Variants in LSAMP observed in about 807,000 individuals in gnomAD.
LSAMP encodes the protein limbic system associated membrane protein.
In LSAMP, 7 loss-of-function variants were observed where a neutral mutation model predicts 38.6. The ratio of observed to expected loss-of-function variants is 0.18; its 90% CI spans 0.10 to 0.34. The LOEUF is 0.34. LSAMP is among the 10% of genes least tolerant of loss of function. The pLI, the probability that LSAMP is intolerant of heterozygous loss-of-function variation, is 1.00. For missense variants in LSAMP, 313 were observed against 420.0 expected (o/e 0.75, Z 2.23); for synonymous variants, 154 against 166.8 (o/e 0.92, Z 0.59).
At chr3:116,140,893 G>C (rs1470584137) in intron 1 of LSAMP, among the ~76,000 whole-genome samples, 1 of 151,930 alleles carries the variant, frequency 6.6e-6, no homozygotes, top group East Asian at 1.9e-4. Flanking sequence ...AAGAAGAATA[G>C]GAAGAAAAGA....
chr3:116,025,936 TA>T (rs549706591), intron 2 of LSAMP, among the ~76,000 whole-genome samples: 53 of 152,296 alleles, frequency 3.5e-4, no homozygotes, highest in Admixed American at 2.1e-3. Context: ...AATTCTGCAT[TA>T]AAAAATACAC....
chr3:116,415,194 T>C (rs1270470413), intron 1 of LSAMP, among the ~76,000 whole-genome samples: 1 of 147,646 alleles, frequency 6.8e-6, no homozygotes, highest in Non-Finnish European at 1.5e-5. Context: ...CCTATCTTAG[T>C]CCAAATTTGT....
At chr3:116,349,535 A>ACT (rs2048110480) in intron 1 of LSAMP, among the ~76,000 whole-genome samples, 1 of 151,136 alleles carries the variant, frequency 6.6e-6, no homozygotes, top group Non-Finnish European at 1.5e-5. Flanking sequence ...ACACACACAC[A>ACT]CTCACATATT....
At chr3:115,949,040 G>T (rs1269591461) in intron 3 of LSAMP, among the ~76,000 whole-genome samples, 1 of 152,124 alleles carries the variant, frequency 6.6e-6, no homozygotes, top group Non-Finnish European at 1.5e-5. Context: ...GGCCAAGGCA[G>T]GTGAATCACG....
At chr3:116,293,020 T>C (rs189933041) in intron 1 of LSAMP, among the ~76,000 whole-genome samples, 6 of 152,328 alleles carry the variant, frequency 3.9e-5, no homozygotes, top group Non-Finnish European at 8.8e-5. Context: ...TTCCATGTCA[T>C]GAATGAACAC....
chr3:116,366,079 C>T (rs1315262629), intron 1 of LSAMP, among the ~76,000 whole-genome samples: 2 of 76,494 alleles, frequency 2.6e-5, no homozygotes, highest in Non-Finnish European at 5.1e-5. Flanking sequence ...TCAGAATGAA[C>T]AAATAACCTA....
intron 6 of LSAMP, among the ~76,000 whole-genome samples, chr3:115,835,782 G>A (rs536028693): frequency 1.3e-5 from 2 of 152,324 alleles, no homozygotes; most frequent in African/African-American, 4.8e-5. Flanking sequence ...CTTGGCTGAA[G>A]TTGTCACTTA....
intron 6 of LSAMP, among the ~76,000 whole-genome samples, chr3:115,818,790 T>TTATATATATATATATA (rs66654115): frequency 0.011 from 780 of 69,274 alleles, 53 homozygotes; most frequent in East Asian, 0.02. Context: ...AGTTGTACTT[T>TTATATATATATATATA]TATATATATA....
intron 1 of LSAMP, among the ~76,000 whole-genome samples, chr3:116,376,929 G>A (rs1192581687): frequency 6.6e-6 from 1 of 151,868 alleles, no homozygotes; most frequent in African/African-American, 2.4e-5. Context: ...TTATCTATTT[G>A]TACTACTACT....
chr3:115,963,823 A>G (rs1938704895), intron 3 of LSAMP, among the ~76,000 whole-genome samples: 1 of 152,130 alleles, frequency 6.6e-6, no homozygotes, highest in Non-Finnish European at 1.5e-5. Context: ...GCACAATCAC[A>G]GCTCACTGCA....
At chr3:115,970,675 A>G (rs1401636613) in intron 3 of LSAMP, among the ~76,000 whole-genome samples, 4 of 152,208 alleles carry the variant, frequency 2.6e-5, no homozygotes, top group African/African-American at 7.2e-5. Flanking sequence ...TTGAATGTAT[A>G]TATCACAGAT....
At chr3:116,044,307 C>T (rs1162963778) in intron 2 of LSAMP, among the ~76,000 whole-genome samples, 2 of 152,200 alleles carry the variant, frequency 1.3e-5, no homozygotes, top group Admixed American at 6.5e-5. Flanking sequence ...GCCTTATTAA[C>T]TATTCTAACA....
At chr3:116,422,697 A>G (rs1436452170) in intron 1 of LSAMP, among the ~76,000 whole-genome samples, 1 of 152,208 alleles carries the variant, frequency 6.6e-6, no homozygotes, top group Non-Finnish European at 1.5e-5. Context: ...ATTACTGATA[A>G]TGAATTGAAA....
intron 1 of LSAMP, among the ~76,000 whole-genome samples, chr3:116,381,691 T>C (rs1222338814): frequency 6.6e-6 from 1 of 152,146 alleles, no homozygotes; most frequent in East Asian, 1.9e-4. Context: ...CTTAGGGTTA[T>C]GTTGCTTATT....
intron 3 of LSAMP, among the ~76,000 whole-genome samples, chr3:115,906,904 T>C (rs1006424801): frequency 1.3e-5 from 2 of 152,196 alleles, no homozygotes; most frequent in Admixed American, 6.5e-5. Context: ...AGTATAACTT[T>C]TGGGGCTTTG....
chr3:115,821,614 T>C (rs1206112410), intron 6 of LSAMP, among the ~76,000 whole-genome samples: 2 of 152,200 alleles, frequency 1.3e-5, no homozygotes, highest in Non-Finnish European at 2.9e-5. Flanking sequence ...GTGCTGCAGG[T>C]TTTGAAAATG....
At chr3:116,276,803 A>T (rs1450575377) in intron 1 of LSAMP, among the ~76,000 whole-genome samples, 1 of 152,216 alleles carries the variant, frequency 6.6e-6, no homozygotes, top group Non-Finnish European at 1.5e-5. Context: ...CTGGCCCAGT[A>T]GGACAATTCT....
intron 1 of LSAMP, among the ~76,000 whole-genome samples, chr3:116,210,697 A>C (rs2046144712): frequency 6.6e-6 from 1 of 152,174 alleles, no homozygotes; most frequent in African/African-American, 2.4e-5. Context: ...ATATCCTATT[A>C]GTTGTGTCCC....
intron 1 of LSAMP, among the ~76,000 whole-genome samples, chr3:116,091,079 AGACAGGTACGCCCCTGGGGG>A (rs1253819952): frequency 3.3e-5 from 5 of 152,184 alleles, no homozygotes; most frequent in African/African-American, 1.2e-4. Flanking sequence ...CGACCATAAG[AGACAGGTACGCCCCTGGGGG>A]GCCAGTTCAG....
Sources: allele counts gnomAD v4.1 joint callset (sites outside exome capture counted in the v4.1 genomes callset), GRCh38; gene constraint gnomAD v4.1.1; transcripts MANE v1.5; gene names NCBI Gene and HGNC (gene_info 2026-07-23, HGNC 2026-07-21).